Variants in ALG12 observed in about 807,000 individuals in gnomAD.
ALG12 encodes the protein ALG12 alpha-1,6-mannosyltransferase.
Under a neutral mutation model 46.0 loss-of-function variants are expected in ALG12, and 36 were observed. That is an observed-to-expected ratio of 0.78 (90% CI 0.60 to 1.03). The LOEUF is 1.03. Among genes scored for constraint, ALG12 ranks in the 50% least tolerant of loss-of-function variants. The probability of loss-of-function intolerance (pLI) is 0.00; values close to 1 mark genes in which losing one functional copy is unlikely to be tolerated. For synonymous variants in ALG12, 326 were observed against 291.6 expected, an observed-to-expected ratio of 1.12 and a Z score of -1.20; for missense variants, 599 against 633.5, an observed-to-expected ratio of 0.95 and a Z score of 0.58.
the ALG12 span, chr22:49,883,807 A>G: frequency 1.2e-6 from 2 of 1,613,496 alleles, no homozygotes; most frequent in Non-Finnish European, 1.7e-6. Context: ...GCAGGAGGAC[A>G]TGAAGCAGAC....
the ALG12 span, among the ~76,000 whole-genome samples, chr22:49,869,604 C>T: frequency 6.6e-6 from 1 of 152,154 alleles, no homozygotes; most frequent in South Asian, 2.1e-4. Flanking sequence ...TCCTGATTTA[C>T]ATTGTTTCTC....
In ALG12 at chr22:49,903,750, GT is replaced by G. The variant is rs780420375; in HGVS notation, c.*87del. On this transcript the variant is annotated 3_prime_UTR_variant, in exon 10 of 10. Transcript: ENST00000330817. ...GTCCTTTGACTTGCTTCTCTGAATT[GT>G]CATAATTGTGCTGGAATTGTGCCAG... 2.1e-6 allele frequency: 3 copies of G among 1,463,168 alleles called. No individual in the cohort carries two copies. Among genetic ancestry groups the G allele is most frequent in the Admixed American group, 1.7e-5 (1 of 59,096 alleles). The allele number at this position is 1,463,168 out of a possible 1,614,324, so 90.6% of individuals were successfully genotyped here.
the ALG12 span, among the ~76,000 whole-genome samples, chr22:49,864,179 G>T: frequency 2.0e-5 from 3 of 152,326 alleles, no homozygotes; most frequent in East Asian, 3.9e-4. Context: ...TGACGGCAGG[G>T]CGTTCACATG....
chr22:49,885,134 A>T, the ALG12 span: 5 of 1,612,706 alleles, frequency 3.1e-6, no homozygotes, highest in Non-Finnish European at 4.2e-6. Context: ...AAGAAGGGTG[A>T]TGTGGGCACC....
chr22:49,896,911 G>A (rs565283661), downstream of ALG12, among the ~76,000 whole-genome samples: 1 of 151,732 alleles, frequency 6.6e-6, no homozygotes, highest in African/African-American at 2.4e-5. Context: ...AAAGTGCTGG[G>A]ATCCCAGGCG....
chr22:49,908,215 T>C (rs866344759), intron 6 of ALG12, among the ~76,000 whole-genome samples: 1 of 152,298 alleles, frequency 6.6e-6, no homozygotes, highest in Middle Eastern at 3.4e-3. Flanking sequence ...TCGGTCTCTG[T>C]ACCCTTTTCT....
the ALG12 span, among the ~76,000 whole-genome samples, chr22:49,879,339 C>G: frequency 6.6e-6 from 1 of 151,762 alleles, no homozygotes; most frequent in Non-Finnish European, 1.5e-5. Flanking sequence ...ATTGGCCAAG[C>G]TGGTCTCAAC....
the ALG12 span, chr22:49,888,814 G>C: frequency 1.2e-5 from 2 of 167,202 alleles, no homozygotes; most frequent in Non-Finnish European, 2.9e-5. Context: ...GACAGTGCCC[G>C]TGAGGCTGCA....
At chr22:49,915,150 A>G (rs1248881513) in intron 1 of ALG12, among the ~76,000 whole-genome samples, 2 of 152,258 alleles carry the variant, frequency 1.3e-5, no homozygotes, top group Non-Finnish European at 2.9e-5. Flanking sequence ...GTGGAGAGAA[A>G]GAAAAAAGAA....
the ALG12 span, chr22:49,887,273 G>A: frequency 7.1e-5 from 96 of 1,348,490 alleles, no homozygotes; most frequent in East Asian, 3.3e-4. Flanking sequence ...GGCTGTGTAC[G>A]ACATCAGACC....
At chr22:49,885,991 T>C in the ALG12 span, 1 of 695,904 alleles carries the variant, frequency 1.4e-6, no homozygotes. Context: ...GCAGGTGGAC[T>C]GCGACTACAG....
chr22:49,913,951 G>A (rs2060596320), intron 1 of ALG12, 108 bp from the exon 2 acceptor site: 1 of 690,402 alleles, frequency 1.4e-6, no homozygotes, highest in Non-Finnish European at 2.5e-6. Flanking sequence ...TGTCTTAGTC[G>A]CACTACTACA....
the ALG12 span, among the ~76,000 whole-genome samples, chr22:49,880,685 T>G: frequency 6.6e-6 from 1 of 152,258 alleles, no homozygotes; most frequent in Non-Finnish European, 1.5e-5. Flanking sequence ...AGCTTTGTTC[T>G]TTCTTTCCAA....
chr22:49,899,492 ATGAT>A (rs1228600532), downstream of ALG12, among the ~76,000 whole-genome samples: 13 of 151,768 alleles, frequency 8.6e-5, no homozygotes, highest in Admixed American at 7.2e-4. Flanking sequence ...AAAAAAAAAA[ATGAT>A]TGAAACGACA....
At chr22:49,863,494 G>A in the ALG12 span, among the ~76,000 whole-genome samples, 8 of 152,320 alleles carry the variant, frequency 5.3e-5, no homozygotes, top group South Asian at 1.7e-3. Flanking sequence ...GGGCGTGGTG[G>A]CGAGTGCCTG....
chr22:49,897,475 G>A (rs1042123842), downstream of ALG12, among the ~76,000 whole-genome samples: 5 of 152,066 alleles, frequency 3.3e-5, no homozygotes, highest in Non-Finnish European at 5.9e-5. Context: ...CTCCACATCC[G>A]CACCAGCACT....
chr22:49,871,765 T>TTATTTATTTA, the ALG12 span, among the ~76,000 whole-genome samples: 534 of 147,158 alleles, frequency 3.6e-3, 3 homozygotes, highest in Middle Eastern at 0.014. Flanking sequence ...TTATTTTTTT[T>TTATTTATTTA]TTTTTTTGAG....
Position 49,909,355 on chromosome 22 carries a change from A to C in ALG12, c.665-8T>G. On this transcript the variant is annotated splice_polypyrimidine_tract_variant and splice_region_variant and intron_variant, in intron 5 of 9. Transcript: ENST00000330817. ...CCACAGCAACCGTCAGTCCTGACAA[A>C]ATAAAATAGAGTTTCTTAGTCGCAA... 6.2e-7 allele frequency: 1 copy of C among 1,614,070 alleles called. No individual in the cohort carries two copies. Among genetic ancestry groups the C allele is most frequent in the South Asian group, 1.1e-5 (1 of 91,084 alleles).
chr22:49,894,738 AAGTG>A, the ALG12 span, among the ~76,000 whole-genome samples: 1 of 152,394 alleles, frequency 6.6e-6, no homozygotes, highest in Non-Finnish European at 1.5e-5. Context: ...GCAGCAAATA[AAGTG>A]AGTGTTGTTC....
Sources: gnomAD v4.1 joint callset for allele counts (sites outside exome capture counted in the v4.1 genomes callset) on GRCh38, gnomAD v4.1.1 for gene constraint, MANE v1.5 for transcripts, NCBI Gene and HGNC (gene_info 2026-07-23, HGNC 2026-07-21) for gene names.